The following TMEM248 variants were observed in gnomAD, a reference collection of about 807,000 sequenced individuals.
TMEM248 encodes the protein transmembrane protein 248.
TMEM248 carries 9 observed loss-of-function variants against 30.3 expected under a neutral mutation model. The ratio of observed to expected loss-of-function variants is 0.30; its 90% CI spans 0.18 to 0.52. The LOEUF (loss-of-function observed/expected upper bound fraction) is 0.52. TMEM248 is among the 20% of genes least tolerant of loss of function. The pLI, the probability that TMEM248 is intolerant of heterozygous loss-of-function variation, is 0.97. For missense variants in TMEM248, 338 were observed against 403.3 expected (o/e 0.84, Z 1.39); for synonymous variants, 184 against 154.4 (o/e 1.19, Z -1.42).
chr7:66,932,806 G>A (rs912599232), intron 1 of TMEM248, among the ~76,000 whole-genome samples: 2 of 150,774 alleles, frequency 1.3e-5, no homozygotes, highest in African/African-American at 2.4e-5. Flanking sequence ...ATGAGCCACC[G>A]CGCCTGGCCG....
At chr7:66,953,110 G>T in intron 5 of TMEM248, 116 bp from the exon 6 acceptor site, 1 of 1,185,226 alleles carries the variant, frequency 8.4e-7, no homozygotes, top group African/African-American at 1.5e-5. Context: ...TGCAGCTTAA[G>T]AAGAAAAGTT....
intron 1 of TMEM248, among the ~76,000 whole-genome samples, chr7:66,922,784 C>T (rs1456739335): frequency 6.6e-6 from 1 of 152,134 alleles, no homozygotes; most frequent in African/African-American, 2.4e-5. Context: ...CTGCTCACTG[C>T]AACCTCTGCC....
chr7:66,951,722 G>T (rs1382082909), intron 5 of TMEM248, among the ~76,000 whole-genome samples: 4 of 151,974 alleles, frequency 2.6e-5, no homozygotes, highest in Admixed American at 1.3e-4. Flanking sequence ...CTGTCGCCCA[G>T]ATTGGGGTCT....
Position 66,948,604 on chromosome 7 carries a change from A to G in TMEM248, c.506A>G (p.Asp169Gly). The G allele has an allele frequency of 6.2e-7, 1 of 1,614,202 alleles. No individual in the cohort carries two copies. Among genetic ancestry groups the G allele is most frequent in the African/African-American group, 1.3e-5 (1 of 75,072 alleles). Residue 169 changes from aspartate (D) to glycine (G), a missense_variant, in exon 4 of 7, where the codon GAT (aspartate) becomes GGT (glycine). Physicochemically the swap from Asp to Gly is moderately conservative, Grantham distance 94. Transcript: ENST00000341567. Reference sequence around the variant, plus strand: ...ACCCTGCCTACAGCGTGGAGCTCAGATGACTGCGCCCTCCACGGTCACTGT... The same window carrying G: ...ACCCTGCCTACAGCGTGGAGCTCAGGTGACTGCGCCCTCCACGGTCACTGT... ...TFTLPTAWSS[D>G]DCALHGHCEQ...
chr7:66,923,720 G>A (rs1459767495), intron 1 of TMEM248, among the ~76,000 whole-genome samples: 1 of 152,110 alleles, frequency 6.6e-6, no homozygotes, highest in African/African-American at 2.4e-5. Context: ...TTGCTCTGTT[G>A]CCCAGGTTGG....
intron 1 of TMEM248, among the ~76,000 whole-genome samples, chr7:66,924,690 C>T (rs1791478936): frequency 6.6e-6 from 1 of 152,092 alleles, no homozygotes; most frequent in Non-Finnish European, 1.5e-5. Flanking sequence ...CAGGCATGAG[C>T]CACCACACCT....
At position 66,956,603 on chromosome 7, in the gene TMEM248, C is replaced by T. The variant is rs1391351399; in HGVS notation, c.*1081C>T. ...ATCAGTAAAATTACGAAAACGATGC[C>T]TGCAAAATTTGAAGGAATGCAATTC... is the stretch of plus-strand genomic sequence containing the variant. On this transcript the variant is annotated 3_prime_UTR_variant, in exon 7 of 7. Transcript: ENST00000341567. 3.3e-5 allele frequency: 5 copies of T among 152,272 alleles called. No individual in the cohort carries two copies. The highest frequency in any genetic ancestry group is 1.2e-4 in the African/African-American group (5 of 41,536). 9.4% of individuals were successfully genotyped at this position (152,272 alleles called of 1,614,324 possible). A position where few individuals can be genotyped will look rare whatever the true frequency, so the allele number is the denominator to read the frequency against.
At chr7:66,950,210 C>T (rs529766653) in intron 4 of TMEM248, among the ~76,000 whole-genome samples, 3 of 149,020 alleles carry the variant, frequency 2.0e-5, no homozygotes, top group Non-Finnish European at 4.5e-5. Flanking sequence ...AGCAAGACTC[C>T]GTCTCAAAAA....
At chr7:66,945,366 C>A in intron 3 of TMEM248, 105 bp downstream of exon 3, 5 of 1,265,578 alleles carry the variant, frequency 4.0e-6, no homozygotes, top group Non-Finnish European at 5.5e-6. Context: ...AGATTGTAGT[C>A]TTGCGCGTGT....
Position 66,955,649 on chromosome 7 carries a change from A to G in TMEM248, c.*127A>G. On this transcript the variant is annotated 3_prime_UTR_variant, in exon 7 of 7. Coordinates refer to ENST00000341567, the MANE Select transcript of TMEM248 (RefSeq NM_017994.5). ...ATGTTGGGTTATTCCAGCCAAAGACATTTCAAGTGCCTGTAACTGATTTGT... is the reference window on the plus strand; with the variant it reads ...ATGTTGGGTTATTCCAGCCAAAGACGTTTCAAGTGCCTGTAACTGATTTGT... 8.8e-7 allele frequency: 1 copy of G among 1,134,724 alleles called. No individual in the cohort carries two copies. The highest frequency in any genetic ancestry group is 1.3e-6 in the Non-Finnish European group (1 of 778,210). 70.3% of individuals were successfully genotyped at this position (1,134,724 alleles called of 1,614,324 possible).
intron 1 of TMEM248, among the ~76,000 whole-genome samples, chr7:66,940,349 G>T (rs1791915400): frequency 6.6e-6 from 1 of 152,192 alleles, no homozygotes; most frequent in Admixed American, 6.5e-5. Context: ...GTCAAAAATG[G>T]CAGGAAGCAT....
chr7:66,927,377 T>G (rs2129220517), intron 1 of TMEM248, among the ~76,000 whole-genome samples: 2 of 152,250 alleles, frequency 1.3e-5, no homozygotes, highest in South Asian at 4.1e-4. Flanking sequence ...ACTACTGATG[T>G]TGCCTAAACT....
intron 1 of TMEM248, among the ~76,000 whole-genome samples, chr7:66,933,935 C>A (rs1791734049): frequency 6.6e-6 from 1 of 151,734 alleles, no homozygotes; most frequent in Non-Finnish European, 1.5e-5. Flanking sequence ...CGGGAGGGGT[C>A]AAATAGTGTG....
intron 5 of TMEM248, among the ~76,000 whole-genome samples, chr7:66,952,846 C>T (rs757487810): frequency 1.3e-5 from 2 of 152,200 alleles, no homozygotes; most frequent in Non-Finnish European, 2.9e-5. Context: ...GTCAGCCATG[C>T]AACCTGAGGG....
At position 66,951,021 on chromosome 7, in the gene TMEM248, C is replaced by T. The variant is rs767789555; in HGVS notation, c.666C>T (p.Ala222=). 1.2e-6 allele frequency: 2 copies of T among 1,612,720 alleles called. No homozygotes were observed. Among genetic ancestry groups the T allele is most frequent in the East Asian group, 2.2e-5 (1 of 44,768 alleles). ...TCTGGTACAAGATCTTCACAACTGC[C>T]AGAGATGCCAACACAAAATACGCCC... ...ATLWYKIFTT[A]RDANTKYAQD... The change falls in exon 5 of 7, where the codon GCC becomes GCT. Residue 222 remains alanine, a synonymous_variant. Transcript: ENST00000341567.
At chr7:66,947,571 T>G (rs1202131812) in intron 3 of TMEM248, among the ~76,000 whole-genome samples, 1 of 152,050 alleles carries the variant, frequency 6.6e-6, no homozygotes, top group Non-Finnish European at 1.5e-5. Flanking sequence ...CCCAGCTAAT[T>G]TTGTATTTTT....
intron 1 of TMEM248, among the ~76,000 whole-genome samples, chr7:66,935,215 C>A (rs1791771437): frequency 6.6e-6 from 1 of 151,918 alleles, no homozygotes. Context: ...TGGAGTCTTG[C>A]TCTGTCACCC....
intron 1 of TMEM248, among the ~76,000 whole-genome samples, chr7:66,937,563 G>A (rs1791836972): frequency 6.6e-6 from 1 of 152,018 alleles, no homozygotes; most frequent in African/African-American, 2.4e-5. Flanking sequence ...ATTTATAATT[G>A]TTACATCATC....
chr7:66,922,799 A>G (rs1027547396), intron 1 of TMEM248, among the ~76,000 whole-genome samples: 1 of 152,024 alleles, frequency 6.6e-6, no homozygotes, highest in African/African-American at 2.4e-5. Context: ...TCTGCCTCCC[A>G]GGTCCAAGCA....
Sources: gnomAD v4.1 joint callset for allele counts (sites outside exome capture counted in the v4.1 genomes callset) on GRCh38, gnomAD v4.1.1 for gene constraint, MANE v1.5 for transcripts, NCBI Gene and HGNC (gene_info 2026-07-23, HGNC 2026-07-21) for gene names.